SLC35F1: variants seen among roughly 807,000 people sequenced by gnomAD.
SLC35F1 encodes the protein solute carrier family 35 member F1, also known as chromosome 6 open reading frame 169.
Under a neutral mutation model 48.7 loss-of-function variants are expected in SLC35F1, and 14 were observed. The ratio of observed to expected loss-of-function variants is 0.29; its 90% CI spans 0.19 to 0.45. SLC35F1 has a LOEUF of 0.45. Among genes scored for constraint, SLC35F1 ranks in the 20% least tolerant of loss-of-function variants. The probability of loss-of-function intolerance (pLI) is 1.00; values close to 1 mark genes in which losing one functional copy is unlikely to be tolerated. For missense variants in SLC35F1, 404 were observed against 500.0 expected, an observed-to-expected ratio of 0.81 and a Z score of 1.83; for synonymous variants, 190 against 202.2, an observed-to-expected ratio of 0.94 and a Z score of 0.51.
At chr6:117,933,491 C>T (rs1447746254) in intron 1 of SLC35F1, among the ~76,000 whole-genome samples, 1 of 152,168 alleles carries the variant, frequency 6.6e-6, no homozygotes, top group Non-Finnish European at 1.5e-5. Flanking sequence ...TAATTAATCA[C>T]CTCCCAAAAA....
chr6:118,178,649 C>G (rs1181444804), intron 2 of SLC35F1, among the ~76,000 whole-genome samples: 1 of 152,032 alleles, frequency 6.6e-6, no homozygotes, highest in Non-Finnish European at 1.5e-5. Flanking sequence ...AGGGAAGACC[C>G]TGCTCCTACC....
At chr6:118,302,791 C>T (rs1776269475) in intron 7 of SLC35F1, among the ~76,000 whole-genome samples, 1 of 151,880 alleles carries the variant, frequency 6.6e-6, no homozygotes, top group South Asian at 2.1e-4. Flanking sequence ...TTTCCTACTA[C>T]CCCATGGATT....
intron 2 of SLC35F1, among the ~76,000 whole-genome samples, chr6:118,170,737 T>C (rs1166707467): frequency 1.3e-5 from 2 of 151,880 alleles, no homozygotes; most frequent in Non-Finnish European, 2.9e-5. Context: ...CAGCCACACC[T>C]GACCTCATTT....
At chr6:118,115,333 G>T (rs1773462725) in intron 1 of SLC35F1, among the ~76,000 whole-genome samples, 1 of 152,166 alleles carries the variant, frequency 6.6e-6, no homozygotes, top group South Asian at 2.1e-4. Flanking sequence ...GCACATGTTG[G>T]TTGACACCTG....
chr6:118,039,371 T>C (rs1240418485), intron 1 of SLC35F1, among the ~76,000 whole-genome samples: 1 of 152,126 alleles, frequency 6.6e-6, no homozygotes, highest in Non-Finnish European at 1.5e-5. Flanking sequence ...CTGAGTTTAA[T>C]GAATCTATAA....
intron 1 of SLC35F1, among the ~76,000 whole-genome samples, chr6:117,941,351 T>C (rs145456558): frequency 3.9e-4 from 60 of 152,324 alleles, no homozygotes; most frequent in Non-Finnish European, 8.2e-4. Flanking sequence ...AAATGAGTCC[T>C]TCCACATTGT....
chr6:118,197,261 CCTTT>C (rs1364720725), intron 2 of SLC35F1, among the ~76,000 whole-genome samples: 95 of 152,034 alleles, frequency 6.2e-4, no homozygotes, highest in African/African-American at 2.3e-3. Flanking sequence ...TTCTATCCTT[CCTTT>C]CTATTTCTTT....
At chr6:118,043,145 A>G (rs901948585) in intron 1 of SLC35F1, among the ~76,000 whole-genome samples, 1 of 152,162 alleles carries the variant, frequency 6.6e-6, no homozygotes, top group Non-Finnish European at 1.5e-5. Flanking sequence ...ACTTCTCCAT[A>G]TGCTCCTTAG....
chr6:118,089,176 G>A (rs190531826), intron 1 of SLC35F1, among the ~76,000 whole-genome samples: 83 of 152,232 alleles, frequency 5.5e-4, no homozygotes, highest in South Asian at 1.2e-3. Context: ...TGGCATGAGC[G>A]TTTGATAACC....
rs115782078 is a variant in SLC35F1 at position 118,083,409 on chromosome 6, G to A, written c.174-71036G>A. On this transcript the variant is annotated intron_variant, in intron 1 of 7. Coordinates refer to ENST00000360388, the MANE Select transcript of SLC35F1 (RefSeq NM_001029858.4). ...AAATATGTTCCTGTACTGAGAATAC[G>A]TCCTTGAATTCAAGCCACCCACAGC... Among the ~76,000 whole-genome samples, 1,330 of 152,226 alleles carry A rather than the reference G, an allele frequency of 8.7e-3. 20 individuals are homozygous for A. The highest frequency in any genetic ancestry group is 0.03 in the African/African-American group (1,251 of 41,528).
chr6:118,143,178 GAA>G (rs1773917919), intron 1 of SLC35F1, among the ~76,000 whole-genome samples: 1 of 152,096 alleles, frequency 6.6e-6, no homozygotes, highest in Non-Finnish European at 1.5e-5. Context: ...TATTTTAAGA[GAA>G]AGTGAGTCAC....
At chr6:118,150,663 A>C (rs950182922) in intron 1 of SLC35F1, among the ~76,000 whole-genome samples, 7 of 152,334 alleles carry the variant, frequency 4.6e-5, no homozygotes, top group Admixed American at 1.3e-4. Context: ...CTTATATATT[A>C]GTTGTAACTC....
At chr6:118,230,707 G>A (rs142260066) in intron 2 of SLC35F1, among the ~76,000 whole-genome samples, 1 of 152,192 alleles carries the variant, frequency 6.6e-6, no homozygotes, top group Non-Finnish European at 1.5e-5. Flanking sequence ...GATAAGGCTG[G>A]CGTGGTGGCT....
At chr6:118,311,855 A>T (rs1386959265) in intron 7 of SLC35F1, among the ~76,000 whole-genome samples, 1 of 152,226 alleles carries the variant, frequency 6.6e-6, no homozygotes, top group Non-Finnish European at 1.5e-5. Context: ...AAAATATATC[A>T]GTATTACTAT....
rs151113821 is a variant in SLC35F1 at position 118,295,595 on chromosome 6, T to C, written c.1002+10257T>C. Among the ~76,000 whole-genome samples, 141 of 152,312 alleles carry C rather than the reference T, an allele frequency of 9.3e-4. 4 individuals carry two copies. In the East Asian group the frequency reaches 0.015, roughly 16 times the overall value. ...CAGTAATGTCACTGCACTTGAAAAC[T>C]AGGGCAGGCAGCCTCAACCTGTGGC... On this transcript the variant is annotated intron_variant, in intron 7 of 7. Transcript: ENST00000360388.
chr6:118,190,377 G>A (rs1377381923), intron 2 of SLC35F1, among the ~76,000 whole-genome samples: 3 of 151,874 alleles, frequency 2.0e-5, no homozygotes, highest in Non-Finnish European at 4.4e-5. Context: ...TTTTGGTTTG[G>A]TTTAGTCTGT....
intron 2 of SLC35F1, among the ~76,000 whole-genome samples, chr6:118,202,614 AACAATGTGCCACACATTCTTCTAAAC>A (rs1270048690): frequency 6.6e-6 from 1 of 152,240 alleles, no homozygotes; most frequent in Non-Finnish European, 1.5e-5. Context: ...ATTGAGTGCT[AACAATGTGCCACACATTCTTCTAAAC>A]ACCAAAGTTA....
chr6:118,210,456 AG>A (rs1397840417), intron 2 of SLC35F1, among the ~76,000 whole-genome samples: 1 of 152,238 alleles, frequency 6.6e-6, no homozygotes, highest in Non-Finnish European at 1.5e-5. Flanking sequence ...ACAGCAAAAA[AG>A]AAACGAAGTA....
At chr6:117,921,599 G>T (rs546906877) in intron 1 of SLC35F1, among the ~76,000 whole-genome samples, 1 of 152,192 alleles carries the variant, frequency 6.6e-6, no homozygotes, top group African/African-American at 2.4e-5. Context: ...CTTAGTGAAA[G>T]CGGGGTGCTT....
Sources: allele counts gnomAD v4.1 joint callset (sites outside exome capture counted in the v4.1 genomes callset), GRCh38; gene constraint gnomAD v4.1.1; transcripts MANE v1.5; gene names NCBI Gene and HGNC (gene_info 2026-07-23, HGNC 2026-07-21).